CCDC80: variants seen among roughly 807,000 people sequenced by gnomAD.
CCDC80 encodes the protein coiled-coil domain-containing protein 80.
In CCDC80, 49 loss-of-function variants were observed where a neutral mutation model predicts 78.7. That is an observed-to-expected ratio of 0.62 (90% CI 0.50 to 0.79). CCDC80 has a LOEUF of 0.79. CCDC80 is among the 30% of genes least tolerant of loss of function. CCDC80 has a pLI of 0.00. For synonymous variants in CCDC80, 488 were observed against 447.0 expected (o/e 1.09, Z -1.16); for missense variants, 1,205 against 1,198.6 (o/e 1.01, Z -0.08).
chr3:112,616,920 G>A, intron 4 of CCDC80, 62 bp from the exon 5 acceptor site: 1 of 1,511,656 alleles, frequency 6.6e-7, no homozygotes. Flanking sequence ...CTATTCAGAG[G>A]ATAGAGAACC....
At chr3:112,616,669 A>T in intron 5 of CCDC80, 41 bp downstream of exon 5, 1 of 1,611,962 alleles carries the variant, frequency 6.2e-7, no homozygotes, top group Admixed American at 1.7e-5. Flanking sequence ...ACTCAGAACA[A>T]ATTTGCACCT....
intron 5 of CCDC80, 146 bp from the exon 6 acceptor site, chr3:112,610,227 T>C (rs1329228861): frequency 1.4e-6 from 1 of 697,630 alleles, no homozygotes; most frequent in Non-Finnish European, 2.5e-6. Flanking sequence ...CCCATGCTTC[T>C]CAAAGCCATT....
intron 5 of CCDC80, among the ~76,000 whole-genome samples, chr3:112,612,402 G>A (rs951733872): frequency 2.0e-5 from 3 of 152,092 alleles, no homozygotes; most frequent in African/African-American, 7.2e-5. Flanking sequence ...GGAGAGGGAT[G>A]GGATGTCAGA....
At chr3:112,626,984 T>C (rs1010914134) in intron 3 of CCDC80, among the ~76,000 whole-genome samples, 23 of 152,334 alleles carry the variant, frequency 1.5e-4, no homozygotes, top group African/African-American at 5.3e-4. Context: ...CTCCTTTCTT[T>C]GAAAGAAGTT....
intron 2 of CCDC80, among the ~76,000 whole-genome samples, chr3:112,632,693 T>C (rs142139113): frequency 1.4e-4 from 21 of 152,318 alleles, no homozygotes; most frequent in Non-Finnish European, 4.4e-5. Context: ...CATGAGGCCA[T>C]GGATACCCAG....
intron 3 of CCDC80, among the ~76,000 whole-genome samples, chr3:112,625,279 G>A (rs952082932): frequency 6.6e-6 from 1 of 152,276 alleles, no homozygotes; most frequent in South Asian, 2.1e-4. Flanking sequence ...GAGGTCTGGG[G>A]AAATAGACAT....
intron 6 of CCDC80, among the ~76,000 whole-genome samples, chr3:112,607,793 A>C (rs923268548): frequency 6.6e-6 from 1 of 152,208 alleles, no homozygotes; most frequent in Admixed American, 6.5e-5. Context: ...AAAAAAAGAA[A>C]AGATGAAGCA....
chr3:112,623,510 A>G (rs1317229403), intron 3 of CCDC80, among the ~76,000 whole-genome samples: 1 of 152,152 alleles, frequency 6.6e-6, no homozygotes, highest in Non-Finnish European at 1.5e-5. Context: ...ACGATCCACT[A>G]TCCACCTTCA....
In CCDC80 at chr3:112,605,627, G is replaced by C; in HGVS notation, c.2643C>G (p.Ser881=). The C allele has an allele frequency of 6.2e-7, 1 of 1,614,196 alleles. No homozygotes were observed. The highest frequency in any genetic ancestry group is 1.1e-5 in the South Asian group (1 of 91,078). The change falls in exon 8 of 8, where the codon TCC becomes TCG. Residue 881 remains serine, a synonymous_variant. Coordinates refer to ENST00000206423, the MANE Select transcript of CCDC80 (RefSeq NM_199511.3). ...ACACAATCACCATGGACCACATTGG[G>C]GAAGGATACCAGGATTTGACATTTC... ...KDGNVKSWYP[S]PMWSMVIVYD...
chr3:112,616,406 G>A (rs1179547475), intron 5 of CCDC80, among the ~76,000 whole-genome samples: 1 of 146,070 alleles, frequency 6.8e-6, no homozygotes, highest in Non-Finnish European at 1.5e-5. Flanking sequence ...TGGGAGGTCA[G>A]GATTCTATAT....
In CCDC80 at chr3:112,618,419, C is replaced by T. The variant is rs1452652770; in HGVS notation, c.2172+549G>A. 5.3e-5 allele frequency among the ~76,000 whole-genome samples: 8 copies of T among 151,868 alleles called. No homozygotes were observed. The East Asian group carries it at 9.7e-4, about 18-fold the overall frequency. ...GGTGCTTACTGTAGTCCCAGCTACT[C>T]GGGAGGATGAGGCAGGAGAATGGCG... On this transcript the variant is annotated intron_variant, in intron 4 of 7. Coordinates refer to ENST00000206423, the MANE Select transcript of CCDC80 (RefSeq NM_199511.3).
At chr3:112,613,212 C>G (rs1935666533) in intron 5 of CCDC80, among the ~76,000 whole-genome samples, 1 of 152,160 alleles carries the variant, frequency 6.6e-6, no homozygotes, top group African/African-American at 2.4e-5. Flanking sequence ...CTCATTTTGT[C>G]TTGCTTGTGC....
chr3:112,639,567 A>G lies in CCDC80; in HGVS notation c.339T>C (p.Ser113=), dbSNP rs574267543. 6.2e-7 allele frequency: 1 copy of G among 1,614,142 alleles called. No homozygotes were observed. Among genetic ancestry groups the G allele is most frequent in the South Asian group, 1.1e-5 (1 of 91,074 alleles). ...RPEQRPAARG[S]PREMIRDEGS... is the part of the protein sequence containing the mutation. ...CCTCATCTCTGATCATCTCACGCGG[A>G]GAGCCCCTGGCTGCTGGTCTTTGCT... The change falls in exon 2 of 8, where the codon TCT becomes TCC. Residue 113 remains serine (S), a synonymous_variant. Transcript: ENST00000206423.
At chr3:112,627,651 C>T (rs1453558996) in intron 3 of CCDC80, among the ~76,000 whole-genome samples, 3 of 152,196 alleles carry the variant, frequency 2.0e-5, no homozygotes, top group Non-Finnish European at 4.4e-5. Context: ...ATGGCTCATG[C>T]CAATTCTTTT....
chr3:112,639,934 G>T lies in CCDC80; in HGVS notation c.-11-18C>A, dbSNP rs1221833330. 2 of 1,586,262 alleles carry T rather than the reference G, an allele frequency of 1.3e-6. No homozygotes were observed. The highest frequency in any genetic ancestry group is 1.7e-6 in the Non-Finnish European group (2 of 1,164,080). ...GTAATCCACTTTGCGATGCACGGAG[G>T]TCATAAAACAAAGGGGAGGGGGAAA... On this transcript the variant is annotated intron_variant, in intron 1 of 7. Coordinates refer to ENST00000206423, the MANE Select transcript of CCDC80 (RefSeq NM_199511.3).
intron 5 of CCDC80, among the ~76,000 whole-genome samples, chr3:112,613,251 C>T (rs1935667387): frequency 6.6e-6 from 1 of 152,124 alleles, no homozygotes; most frequent in Non-Finnish European, 1.5e-5. Context: ...CCACTTTAAT[C>T]CTTCAAATAA....
rs923834027 is a variant in CCDC80 at position 112,601,825 on chromosome 3, C to T, written c.*3592G>A. 2.0e-5 allele frequency: 3 copies of T among 152,170 alleles called. No individual in the cohort carries two copies. Among genetic ancestry groups the T allele is most frequent in the Non-Finnish European group, 4.4e-5 (3 of 68,036 alleles). The allele number at this position is 152,170 out of a possible 1,614,324, so 9.4% of individuals were successfully genotyped here. A position where few individuals can be genotyped will look rare whatever the true frequency, so the allele number is the denominator to read the frequency against. ...ATTATACTCCTTTGCATTCCAGCTA[C>T]TTTGGTCCATTGTAACTTGGTAACC... On this transcript the variant is annotated 3_prime_UTR_variant, in exon 8 of 8. Transcript: ENST00000206423.
In CCDC80 at chr3:112,638,893, G is replaced by A. The variant is rs1403333221; in HGVS notation, c.1013C>T (p.Ala338Val). The change falls in exon 2 of 8, where the codon GCA (alanine) becomes GTA (valine). Residue 338 changes from alanine to valine, a missense_variant. By Grantham distance (64) the Ala-to-Val change is moderately conservative (BLOSUM62 0). Coordinates refer to ENST00000206423, the MANE Select transcript of CCDC80 (RefSeq NM_199511.3). ...TGAGGGAGGTTGGGGCAAAGCTGGT[G>A]CAGTGGCGGCCAGTTTTCTCAGGAC... ...VKVLRKLAAT[A>V]PALPQPPSTP... 1.2e-6 allele frequency: 2 copies of A among 1,613,572 alleles called. No individual in the cohort carries two copies. Among genetic ancestry groups the A allele is most frequent in the African/African-American group, 2.7e-5 (2 of 75,018 alleles).
At position 112,638,140 on chromosome 3, in the gene CCDC80, C is replaced by A; in HGVS notation, c.1766G>T (p.Gly589Val). ...EKEKSKKKKGGKTEQDGYQKP... is the reference protein window; with the variant it reads ...EKEKSKKKKGVKTEQDGYQKP... Reference sequence around the variant, plus strand: ...CTGATAGCCATCCTGTTCTGTTTTACCTCCTTTTTTCTTCTTGCTCTTCTC... The same window carrying A: ...CTGATAGCCATCCTGTTCTGTTTTAACTCCTTTTTTCTTCTTGCTCTTCTC... The change falls in exon 2 of 8, where the codon GGT becomes GTT. Residue 589 changes from glycine (G) to valine (V), a missense_variant. By Grantham distance (109) the Gly-to-Val change is moderately radical (BLOSUM62 -3). Coordinates refer to ENST00000206423, the MANE Select transcript of CCDC80 (RefSeq NM_199511.3). 1 of 1,614,110 alleles carries A rather than the reference C, an allele frequency of 6.2e-7. No homozygotes were observed. The highest frequency in any genetic ancestry group is 8.5e-7 in the Non-Finnish European group (1 of 1,179,996).
Sources: allele counts gnomAD v4.1 joint callset (sites outside exome capture counted in the v4.1 genomes callset), GRCh38; gene constraint gnomAD v4.1.1; transcripts MANE v1.5; gene names NCBI Gene and HGNC (gene_info 2026-07-23, HGNC 2026-07-21).